The following RBFOX1 variants were observed in gnomAD, a reference collection of about 807,000 sequenced individuals.
The protein encoded by RBFOX1 is RNA binding protein fox-1 homolog 1.
RBFOX1 carries 8 observed loss-of-function variants against 57.7 expected under a neutral mutation model. The observed-to-expected ratio is 0.14, with a 90% CI of 0.08 to 0.25. The LOEUF is 0.25. Ranked by LOEUF, RBFOX1 falls within the 10% of genes least tolerant of loss-of-function variation. RBFOX1 has a pLI of 1.00. For missense variants in RBFOX1, 611 were observed against 548.5 expected, an observed-to-expected ratio of 1.11 and a Z score of -1.14; for synonymous variants, 326 against 222.4, an observed-to-expected ratio of 1.47 and a Z score of -4.15.
At position 6,019,430 on chromosome 16, in the gene RBFOX1, G is replaced by C. The variant is rs1358329892; in HGVS notation, c.-689G>C. ...GGTGGCGGACGGCGGACGGAGCCCA[G>C]GGGCCGCGTCGGGTGGGGAAACCCG... On this transcript the variant is annotated 5_prime_UTR_variant, in exon 1 of 16. Coordinates refer to ENST00000550418, the MANE Select transcript of RBFOX1 (RefSeq NM_018723.4). This position sits in a 1 kb window ranked among gnomAD's most constrained non-coding sequence, Gnocchi z 4.2. 1 of 988,294 alleles carries C rather than the reference G, an allele frequency of 1.0e-6. No individual in the cohort carries two copies. The highest frequency in any genetic ancestry group is 1.2e-6 in the Non-Finnish European group (1 of 832,228). 61.2% of individuals were successfully genotyped at this position (988,294 alleles called of 1,614,324 possible).
At position 7,320,322 on chromosome 16, in the gene RBFOX1, T is replaced by C. The variant is rs548241229; in HGVS notation, c.28-197825T>C. Among the ~76,000 whole-genome samples, 45 of 152,204 alleles carry C rather than the reference T, an allele frequency of 3.0e-4. No homozygotes were observed. In the South Asian group the frequency reaches 8.5e-3, roughly 29 times the overall value. On this transcript the variant is annotated intron_variant, in intron 4 of 15. Coordinates refer to ENST00000550418, the MANE Select transcript of RBFOX1 (RefSeq NM_018723.4). Reference sequence around the variant, plus strand: ...CAGCTCCCACTTGTGAGTGAGAACATGGAGTGTCTGGTTTTCTGTTCTTGT... The same window carrying C: ...CAGCTCCCACTTGTGAGTGAGAACACGGAGTGTCTGGTTTTCTGTTCTTGT...
At chr16:5,914,056 G>C (rs151117492) in intron 4 of RBFOX1, among the ~76,000 whole-genome samples, 1 of 152,190 alleles carries the variant, frequency 6.6e-6, no homozygotes, top group Admixed American at 6.5e-5. Flanking sequence ...CAAGGACAGA[G>C]GCATTAACCC....
intron 2 of RBFOX1, among the ~76,000 whole-genome samples, chr16:5,531,471 T>C (rs1057412965): frequency 2.6e-5 from 4 of 152,202 alleles, no homozygotes; most frequent in Non-Finnish European, 4.4e-5. Context: ...TTAAGTTCAC[T>C]CTTTATTTGT....
intron 3 of RBFOX1, among the ~76,000 whole-genome samples, chr16:5,794,792 A>T (rs1051101621): frequency 2.2e-4 from 34 of 152,190 alleles, no homozygotes; most frequent in Non-Finnish European, 3.8e-4. Flanking sequence ...CTGACTGCTA[A>T]ACCAATATTA....
chr16:7,413,138 A>T (rs1013657292), intron 4 of RBFOX1, among the ~76,000 whole-genome samples: 6 of 152,316 alleles, frequency 3.9e-5, no homozygotes, highest in African/African-American at 1.2e-4. Flanking sequence ...TGGGGAAAAA[A>T]AATGTAGGTC....
intron 2 of RBFOX1, among the ~76,000 whole-genome samples, chr16:6,503,489 A>T (rs1203478030): frequency 6.6e-6 from 1 of 152,166 alleles, no homozygotes; most frequent in Non-Finnish European, 1.5e-5. Flanking sequence ...ATTTCTTCTG[A>T]TGGTTTCATC....
intron 4 of RBFOX1, among the ~76,000 whole-genome samples, chr16:7,411,686 C>T (rs962402726): frequency 2.0e-5 from 3 of 151,856 alleles, no homozygotes; most frequent in African/African-American, 7.3e-5. Flanking sequence ...GGTGGATCAC[C>T]TGAGGTTGGG....
chr16:5,382,329 C>T (rs797002148), intron 1 of RBFOX1, among the ~76,000 whole-genome samples: 21 of 151,998 alleles, frequency 1.4e-4, no homozygotes, highest in African/African-American at 4.3e-4. Context: ...GAAAACTATT[C>T]GGGCTGATAT....
chr16:7,440,725 G>C (rs2098759368), intron 4 of RBFOX1, among the ~76,000 whole-genome samples: 1 of 152,158 alleles, frequency 6.6e-6, no homozygotes, highest in Non-Finnish European at 1.5e-5. Context: ...GGCTGGGGAG[G>C]AGGGAAGAAG....
At chr16:5,912,985 A>G (rs2058634862) in intron 4 of RBFOX1, among the ~76,000 whole-genome samples, 1 of 152,194 alleles carries the variant, frequency 6.6e-6, no homozygotes, top group East Asian at 1.9e-4. Flanking sequence ...GTGACTCAGG[A>G]TAAAAGTTCT....
intron 4 of RBFOX1, among the ~76,000 whole-genome samples, chr16:7,368,878 T>G (rs117744162): frequency 0.014 from 2,115 of 152,208 alleles, 27 homozygotes; most frequent in Non-Finnish European, 0.022. Context: ...ATCTTCAGAT[T>G]AAGTAACAAA....
chr16:6,945,599 C>T lies in RBFOX1; in HGVS notation c.-15-106458C>T, dbSNP rs140905452. On this transcript the variant is annotated intron_variant, in intron 3 of 15. Coordinates refer to ENST00000550418, the MANE Select transcript of RBFOX1 (RefSeq NM_018723.4). The stretch of plus-strand genomic sequence containing the variant: ...TGATGTTTATTTTTGTATCAGAATC[C>T]GCTGGTGCTGGCTAGGCTCGGTGGC... Among the ~76,000 whole-genome samples, 76 of 151,986 alleles carry T rather than the reference C, an allele frequency of 5.0e-4. No homozygotes were observed. The East Asian group carries it at 5.0e-3, about 10-fold the overall frequency.
chr16:5,573,728 G>A (rs1023718356), intron 2 of RBFOX1, among the ~76,000 whole-genome samples: 1 of 152,128 alleles, frequency 6.6e-6, no homozygotes, highest in Non-Finnish European at 1.5e-5. Flanking sequence ...TTGGGAGGCC[G>A]AGGTGGGAGG....
chr16:6,078,574 G>A lies in RBFOX1; in HGVS notation c.-127+58582G>A, dbSNP rs115561750. ...TTTCTACCTAGCTGTGTGACCTTGGGCAAGTTAGTTAACCTCTCTGATCAT... is the reference window on the plus strand; with the variant it reads ...TTTCTACCTAGCTGTGTGACCTTGGACAAGTTAGTTAACCTCTCTGATCAT... On this transcript the variant is annotated intron_variant, in intron 1 of 15. Transcript: ENST00000550418. 4.3e-3 allele frequency among the ~76,000 whole-genome samples: 655 copies of A among 152,242 alleles called. 6 individuals are homozygous for A. Among genetic ancestry groups the A allele is most frequent in the African/African-American group, 0.015 (609 of 41,544 alleles).
chr16:5,759,970 A>T (rs558539634), intron 3 of RBFOX1, among the ~76,000 whole-genome samples: 1 of 151,470 alleles, frequency 6.6e-6, no homozygotes, highest in Non-Finnish European at 1.5e-5. Context: ...GTAGGTTTCT[A>T]TAATCTTGTA....
intron 1 of RBFOX1, among the ~76,000 whole-genome samples, chr16:5,251,293 A>G (rs7201328): frequency 0.5 from 75,803 of 152,186 alleles, 19,003 homozygotes; most frequent in East Asian, 0.59. Context: ...ATAATGTGAT[A>G]CTACTGTCTG....
chr16:6,337,400 C>A (rs1439938581), intron 2 of RBFOX1, among the ~76,000 whole-genome samples: 3 of 152,156 alleles, frequency 2.0e-5, no homozygotes, highest in Admixed American at 2.0e-4. Context: ...AAAGTTGTTC[C>A]AGGATAACCC....
intron 4 of RBFOX1, among the ~76,000 whole-genome samples, chr16:7,328,409 G>A (rs997196079): frequency 5.4e-5 from 8 of 148,456 alleles, no homozygotes; most frequent in Admixed American, 2.1e-4. Context: ...GAATTCGGGT[G>A]GCAGAGGTTG....
chr16:7,650,619 C>G (rs1410535623), intron 11 of RBFOX1, among the ~76,000 whole-genome samples: 2 of 152,162 alleles, frequency 1.3e-5, no homozygotes, highest in African/African-American at 4.8e-5. Context: ...ACATCTAAAT[C>G]CTCCAAGAAT....
Sources: gnomAD v4.1 joint callset for allele counts (sites outside exome capture counted in the v4.1 genomes callset) on GRCh38, gnomAD v4.1.1 for gene constraint, Gnocchi (gnomAD v3.1) non-coding constraint, MANE v1.5 for transcripts, NCBI Gene and HGNC (gene_info 2026-07-23, HGNC 2026-07-21) for gene names.